The following NAALADL2 variants were observed in gnomAD, a reference collection of about 807,000 sequenced individuals.
NAALADL2 encodes N-acetylated alpha-linked acidic dipeptidase like 2.
In NAALADL2, 76 loss-of-function variants were observed where a neutral mutation model predicts 87.2. The observed-to-expected ratio is 0.87, with a 90% CI of 0.72 to 1.05. The LOEUF (loss-of-function observed/expected upper bound fraction) is 1.05. NAALADL2 is among the 50% of genes least tolerant of loss of function. The pLI is 0.00. For missense variants in NAALADL2, 1,089 were observed against 945.8 expected (o/e 1.15, Z -1.99); for synonymous variants, 354 against 331.0 (o/e 1.07, Z -0.75).
rs1553953572 is a variant in NAALADL2, at chr3:175,698,425, G to GTATGTGTATTTATGTATGTATACATATA, written c.1897-38872_1897-38871insTTATGTATGTATACATATATATGTGTAT. Among the ~76,000 whole-genome samples the GTATGTGTATTTATGTATGTATACATATA allele has an allele frequency of 6.0e-4, 51 of 85,436 alleles. 16 individuals are homozygous for GTATGTGTATTTATGTATGTATACATATA. Among genetic ancestry groups the GTATGTGTATTTATGTATGTATACATATA allele is most frequent in the East Asian group, 2.0e-3 (8 of 3,966 alleles). 56.0% of individuals were successfully genotyped at this position (85,436 alleles called of 152,430 possible). A position where few individuals can be genotyped will look rare whatever the true frequency, so the allele number is the denominator to read the frequency against. On this transcript the variant is annotated intron_variant, in intron 11 of 13. Transcript: ENST00000454872. ...TGTGTATTTATGTATGTATACATATGTATGTGTATATATTTATGTATGTAT... is the reference window on the plus strand; with the variant it reads ...TGTGTATTTATGTATGTATACATATGTATGTGTATTTATGTATGTATACATATATATGTGTATATATTTATGTATGTAT...
chr3:174,933,314 T>C (rs1560382484), intron 1 of NAALADL2, among the ~76,000 whole-genome samples: 1 of 152,182 alleles, frequency 6.6e-6, no homozygotes, highest in Non-Finnish European at 1.5e-5. Flanking sequence ...CCTGTTCAGA[T>C]TCTTGACTAT....
At chr3:174,771,883 G>A (rs1714610204) in intron 3 of NAALADL2, among the ~76,000 whole-genome samples, 1 of 152,108 alleles carries the variant, frequency 6.6e-6, no homozygotes, top group South Asian at 2.1e-4. Flanking sequence ...AAAAGTGATG[G>A]AGAAATAAGG....
intron 3 of NAALADL2, among the ~76,000 whole-genome samples, chr3:174,802,026 C>T (rs1718897077): frequency 6.6e-6 from 1 of 152,014 alleles, no homozygotes; most frequent in Non-Finnish European, 1.5e-5. Flanking sequence ...AAAAATACCA[C>T]AATTGGCATT....
intron 1 of NAALADL2, among the ~76,000 whole-genome samples, chr3:174,878,832 A>C (rs1477963644): frequency 2.6e-5 from 4 of 152,080 alleles, no homozygotes; most frequent in African/African-American, 9.7e-5. Context: ...TAAATTGAAA[A>C]GGGGCCATGT....
intron 5 of NAALADL2, among the ~76,000 whole-genome samples, chr3:175,353,407 T>C (rs1320586338): frequency 6.6e-6 from 1 of 152,162 alleles, no homozygotes; most frequent in African/African-American, 2.4e-5. Context: ...ATATTTAATG[T>C]ATTCTCTCAT....
intron 1 of NAALADL2, among the ~76,000 whole-genome samples, chr3:174,866,019 C>G (rs1727098734): frequency 6.6e-6 from 1 of 151,826 alleles, no homozygotes; most frequent in African/African-American, 2.4e-5. Flanking sequence ...TGCTGAAAAA[C>G]TGTCAAGCAG....
At chr3:175,175,553 C>T (rs542239880) in intron 2 of NAALADL2, among the ~76,000 whole-genome samples, 16 of 152,110 alleles carry the variant, frequency 1.1e-4, no homozygotes, top group African/African-American at 3.4e-4. Flanking sequence ...TCACATCACA[C>T]TCTATTGTGA....
At chr3:175,032,855 G>A (rs1427701070) in intron 1 of NAALADL2, among the ~76,000 whole-genome samples, 1 of 151,830 alleles carries the variant, frequency 6.6e-6, no homozygotes, top group Non-Finnish European at 1.5e-5. Flanking sequence ...TAAAGTGGAT[G>A]GAGTTTTATT....
At chr3:174,595,186 G>A (rs1163130349) in intron 2 of NAALADL2, among the ~76,000 whole-genome samples, 2 of 152,064 alleles carry the variant, frequency 1.3e-5, no homozygotes, top group African/African-American at 4.8e-5. Context: ...ATGAGCTGGA[G>A]GGTGCCACTC....
chr3:175,789,624 A>C (rs1752535051), intron 13 of NAALADL2, among the ~76,000 whole-genome samples: 1 of 152,186 alleles, frequency 6.6e-6, no homozygotes, highest in South Asian at 2.1e-4. Flanking sequence ...GACTTGTATC[A>C]AGATGTCCAG....
At chr3:175,625,447 G>T (rs575941444) in intron 10 of NAALADL2, among the ~76,000 whole-genome samples, 296 of 152,114 alleles carry the variant, frequency 1.9e-3, no homozygotes, top group Non-Finnish European at 3.5e-3. Flanking sequence ...TGCGAGAAGT[G>T]CACATGGGAC....
chr3:174,627,468 C>T lies in NAALADL2; in HGVS notation c.-115+76831C>T, dbSNP rs1046237832. 3.8e-4 allele frequency among the ~76,000 whole-genome samples: 58 copies of T among 152,130 alleles called. 1 individual carries two copies. Among genetic ancestry groups the T allele is most frequent in the Non-Finnish European group, 5.6e-4 (38 of 68,022 alleles). On this transcript the variant is annotated intron_variant, in intron 2 of 3. Coordinates refer to the NAALADL2 transcript ENST00000434257. ...GCAAGGATGCAGAGACAAAGGAACA[C>T]GTATATACTGTTTTGGGGAATGTAA...
intron 2 of NAALADL2, among the ~76,000 whole-genome samples, chr3:174,634,526 A>T (rs778854524): frequency 1.3e-5 from 2 of 151,936 alleles, no homozygotes; most frequent in Non-Finnish European, 2.9e-5. Context: ...AATATACCCT[A>T]CTCTCAAATA....
chr3:175,122,254 A>G (rs1037928134), intron 2 of NAALADL2, among the ~76,000 whole-genome samples: 1 of 151,852 alleles, frequency 6.6e-6, no homozygotes, highest in Admixed American at 6.6e-5. Flanking sequence ...GGCCACTGCA[A>G]TCAACAGTGA....
chr3:175,228,962 A>T (rs1441245486), intron 2 of NAALADL2, among the ~76,000 whole-genome samples: 1 of 151,974 alleles, frequency 6.6e-6, no homozygotes, highest in Non-Finnish European at 1.5e-5. Flanking sequence ...TTATTTTAGG[A>T]ATGCAAGTTT....
intron 13 of NAALADL2, among the ~76,000 whole-genome samples, chr3:175,786,739 G>A (rs6796156): frequency 6.6e-6 from 1 of 152,260 alleles, no homozygotes; most frequent in East Asian, 1.9e-4. Context: ...TCCGTTGCTG[G>A]TGAGGAACTG....
At chr3:174,633,511 G>T (rs1722345293) in intron 2 of NAALADL2, among the ~76,000 whole-genome samples, 1 of 152,178 alleles carries the variant, frequency 6.6e-6, no homozygotes, top group African/African-American at 2.4e-5. Flanking sequence ...CAGACAAGTA[G>T]TGTATGAGGC....
intron 1 of NAALADL2, among the ~76,000 whole-genome samples, chr3:174,531,244 T>C (rs1721210211): frequency 6.6e-6 from 1 of 152,202 alleles, no homozygotes; most frequent in Non-Finnish European, 1.5e-5. Flanking sequence ...TTAGTCCTTT[T>C]AGTCATTATT....
At chr3:174,452,900 T>TAA (rs1260763913) in intron 1 of NAALADL2, among the ~76,000 whole-genome samples, 1 of 152,160 alleles carries the variant, frequency 6.6e-6, no homozygotes, top group African/African-American at 2.4e-5. Context: ...ATGATCACAC[T>TAA]AGCTCTCCAG....
Sources: gnomAD v4.1 joint callset for allele counts (sites outside exome capture counted in the v4.1 genomes callset) on GRCh38, gnomAD v4.1.1 for gene constraint, MANE v1.5 for transcripts, NCBI Gene and HGNC (gene_info 2026-07-23, HGNC 2026-07-21) for gene names.